BAIAP2L1: variants seen among roughly 807,000 people sequenced by gnomAD.
BAIAP2L1 encodes the protein BAR/IMD domain containing adaptor protein 2 like 1.
BAIAP2L1 carries 35 observed loss-of-function variants against 66.3 expected under a neutral mutation model. That is an observed-to-expected ratio of 0.53 (90% CI 0.40 to 0.70). BAIAP2L1 has a LOEUF of 0.70. Ranked by LOEUF, BAIAP2L1 falls within the 30% of genes least tolerant of loss-of-function variation. BAIAP2L1 has a pLI of 0.00. For missense variants in BAIAP2L1, 622 were observed against 656.9 expected (o/e 0.95, Z 0.58); for synonymous variants, 269 against 248.7 (o/e 1.08, Z -0.77).
At chr7:98,322,832 T>G (rs1801286614) in intron 3 of BAIAP2L1, 1 of 152,280 alleles carries the variant, frequency 6.6e-6, no homozygotes. Context: ...AATGCAGGCG[T>G]AACATGTCGC....
intron 3 of BAIAP2L1, among the ~76,000 whole-genome samples, chr7:98,353,674 T>C (rs1238653219): frequency 7.0e-6 from 1 of 142,094 alleles, no homozygotes; most frequent in African/African-American, 2.6e-5. Flanking sequence ...ATAAATAATA[T>C]TATGGCTGGG....
chr7:98,389,165 T>C (rs1182955340), intron 1 of BAIAP2L1, among the ~76,000 whole-genome samples: 7 of 152,072 alleles, frequency 4.6e-5, no homozygotes, highest in Middle Eastern at 3.4e-3. Context: ...GGGCCCTGTC[T>C]TCTGTACTCC....
At chr7:98,376,246 G>A (rs1802625326) in intron 1 of BAIAP2L1, among the ~76,000 whole-genome samples, 1 of 151,544 alleles carries the variant, frequency 6.6e-6, no homozygotes, top group Non-Finnish European at 1.5e-5. Flanking sequence ...GCTCATACCT[G>A]TAATCCCAGC....
chr7:98,335,084 C>T (rs1252699886), intron 3 of BAIAP2L1, among the ~76,000 whole-genome samples: 1 of 135,844 alleles, frequency 7.4e-6, no homozygotes, highest in African/African-American at 2.8e-5. Flanking sequence ...ACCCGGGAGG[C>T]GGAGCTGGCA....
At chr7:98,383,256 T>C (rs770891723) in intron 1 of BAIAP2L1, among the ~76,000 whole-genome samples, 1 of 150,518 alleles carries the variant, frequency 6.6e-6, no homozygotes, top group Non-Finnish European at 1.5e-5. Context: ...TATACCAAGA[T>C]GACTACCATG....
chr7:98,325,738 C>T lies in BAIAP2L1; in HGVS notation c.215-5440G>A, dbSNP rs547145459. ...TCATTGGAAAAAGGACTGAATTTTTCTGACAATTTTCCAAGTTTCAAATGG... is the reference window on the plus strand; with the variant it reads ...TCATTGGAAAAAGGACTGAATTTTTTTGACAATTTTCCAAGTTTCAAATGG... On this transcript the variant is annotated intron_variant, in intron 3 of 13. Coordinates refer to ENST00000005260, the MANE Select transcript of BAIAP2L1 (RefSeq NM_018842.5). Among the ~76,000 whole-genome samples, 5 of 152,220 alleles carry T rather than the reference C, an allele frequency of 3.3e-5. No individual in the cohort carries two copies. In the South Asian group the frequency reaches 1.0e-3, roughly 32 times the overall value.
chr7:98,317,280 T>G lies in BAIAP2L1; in HGVS notation c.425A>C (p.Lys142Thr). The change falls in exon 6 of 14, where the codon AAG becomes ACG. Residue 142 changes from lysine (K) to threonine (T), a missense_variant. Lys to Thr is a moderately conservative substitution (Grantham distance 78, BLOSUM62 -1). Coordinates refer to ENST00000005260, the MANE Select transcript of BAIAP2L1 (RefSeq NM_018842.5). ...GCTTCCTTGGCTTTTCCTTCTGATC[T>G]TCTTCAACTCAGCTTGGGATTTCTC... The part of the protein sequence containing the change: ...SLEKSQAELK[K>T]IRRKSQGSRN... The G allele has an allele frequency of 6.2e-7, 1 of 1,614,198 alleles. No homozygotes were observed. Among genetic ancestry groups the G allele is most frequent in the South Asian group, 1.1e-5 (1 of 91,088 alleles).
At chr7:98,400,082 G>A (rs1171493609) in intron 1 of BAIAP2L1, 1 of 151,604 alleles carries the variant, frequency 6.6e-6, no homozygotes, top group African/African-American at 2.4e-5. Flanking sequence ...GAGGGCTTAA[G>A]CCCGGCAGCC....
At chr7:98,308,979 G>GT (rs369114129) in intron 9 of BAIAP2L1, 199 of 147,440 alleles carry the variant, frequency 1.3e-3, no homozygotes, top group South Asian at 9.7e-3. Flanking sequence ...GCTTCTGGCC[G>GT]TTTTTTTTTT....
intron 3 of BAIAP2L1, among the ~76,000 whole-genome samples, chr7:98,347,181 G>GAA (rs1554336279): frequency 2.0e-5 from 3 of 151,500 alleles, no homozygotes; most frequent in African/African-American, 7.3e-5. Context: ...GCCATGAGAA[G>GAA]GTGGTAAGCC....
chr7:98,390,167 G>C (rs923535022), intron 1 of BAIAP2L1, among the ~76,000 whole-genome samples: 42 of 151,406 alleles, frequency 2.8e-4, no homozygotes, highest in African/African-American at 1.0e-3. Flanking sequence ...TGCCCACCTC[G>C]GCCTCCCAAA....
chr7:98,356,506 A>AT (rs34934706), intron 2 of BAIAP2L1, among the ~76,000 whole-genome samples: 1 of 151,396 alleles, frequency 6.6e-6, no homozygotes, highest in Non-Finnish European at 1.5e-5. Flanking sequence ...ATTTTATTTT[A>AT]TTTTTTTAGA....
At chr7:98,394,437 G>A (rs1408464241) in intron 1 of BAIAP2L1, among the ~76,000 whole-genome samples, 1 of 152,110 alleles carries the variant, frequency 6.6e-6, no homozygotes, top group Non-Finnish European at 1.5e-5. Context: ...ATTTCCCACA[G>A]GGCTCCCTGC....
chr7:98,369,939 T>C (rs1802472690), intron 1 of BAIAP2L1, among the ~76,000 whole-genome samples: 1 of 152,118 alleles, frequency 6.6e-6, no homozygotes, highest in Non-Finnish European at 1.5e-5. Context: ...CCCAAAGTGC[T>C]GGGATTACAG....
intron 3 of BAIAP2L1, among the ~76,000 whole-genome samples, chr7:98,323,853 C>T (rs1402203994): frequency 6.6e-6 from 1 of 152,174 alleles, no homozygotes. Context: ...TGCAAGTAGC[C>T]GAAAGAGTAT....
intron 5 of BAIAP2L1, among the ~76,000 whole-genome samples, chr7:98,318,502 G>A (rs998762226): frequency 2.6e-5 from 4 of 151,794 alleles, no homozygotes; most frequent in South Asian, 2.1e-4. Context: ...GGCTGGTCTC[G>A]AACTCCTGAC....
intron 9 of BAIAP2L1, 155 bp downstream of exon 9, chr7:98,310,290 A>T (rs1800820050): frequency 1.4e-6 from 1 of 705,346 alleles, no homozygotes; most frequent in African/African-American, 1.9e-5. Context: ...TTTCTTCTGA[A>T]CTCACGCTCT....
At chr7:98,383,438 C>T (rs1015148695) in intron 1 of BAIAP2L1, among the ~76,000 whole-genome samples, 1 of 151,910 alleles carries the variant, frequency 6.6e-6, no homozygotes, top group Non-Finnish European at 1.5e-5. Flanking sequence ...CATGCGCCAC[C>T]ACGCTTGGCT....
At chr7:98,367,295 C>T (rs1387307251) in intron 1 of BAIAP2L1, among the ~76,000 whole-genome samples, 1 of 152,130 alleles carries the variant, frequency 6.6e-6, no homozygotes, top group African/African-American at 2.4e-5. Context: ...TGCTACAGTT[C>T]TATTAACTCA....
Sources: allele counts gnomAD v4.1 joint callset (sites outside exome capture counted in the v4.1 genomes callset), GRCh38; gene constraint gnomAD v4.1.1; transcripts MANE v1.5; gene names NCBI Gene and HGNC (gene_info 2026-07-23, HGNC 2026-07-21).